SPATA13: variants seen among roughly 807,000 people sequenced by gnomAD.
SPATA13 encodes the protein spermatogenesis associated 13.
SPATA13 carries 50 observed loss-of-function variants against 104.0 expected under a neutral mutation model. The ratio of observed to expected loss-of-function variants is 0.48; its 90% CI spans 0.38 to 0.61. SPATA13 has a LOEUF of 0.61. SPATA13 is among the 20% of genes least tolerant of loss of function. The pLI is 0.00. For synonymous variants in SPATA13, 606 were observed against 667.5 expected, an observed-to-expected ratio of 0.91 and a Z score of 1.42; for missense variants, 1,524 against 1,690.6, an observed-to-expected ratio of 0.90 and a Z score of 1.73.
At chr13:24,277,072 A>G (rs1875042825) in intron 4 of SPATA13, among the ~76,000 whole-genome samples, 1 of 152,226 alleles carries the variant, frequency 6.6e-6, no homozygotes, top group Non-Finnish European at 1.5e-5. Context: ...GAGAAGATAT[A>G]CCGTAAAAGA....
chr13:24,101,499 A>G (rs55800191), intron 3 of SPATA13, among the ~76,000 whole-genome samples: 1 of 151,502 alleles, frequency 6.6e-6, no homozygotes, highest in Non-Finnish European at 1.5e-5. Flanking sequence ...AAAAAAAACA[A>G]CACATAAAAC....
chr13:24,016,777 G>C (rs909808642), intron 2 of SPATA13, among the ~76,000 whole-genome samples: 1 of 152,258 alleles, frequency 6.6e-6, no homozygotes. Context: ...CCCCAGTTCA[G>C]CACTAGGGTG....
chr13:24,198,318 G>A (rs1042697337), intron 1 of SPATA13, among the ~76,000 whole-genome samples: 1 of 152,072 alleles, frequency 6.6e-6, no homozygotes, highest in Non-Finnish European at 1.5e-5. Context: ...CAGACTCACT[G>A]GACTAAATGT....
chr13:24,077,299 C>T (rs985556695), intron 3 of SPATA13, among the ~76,000 whole-genome samples: 1 of 143,062 alleles, frequency 7.0e-6, no homozygotes, highest in South Asian at 2.2e-4. Flanking sequence ...GCCCAGTCCA[C>T]AAGAGCTGGT....
intron 2 of SPATA13, among the ~76,000 whole-genome samples, chr13:23,996,993 A>G (rs1681153768): frequency 6.6e-6 from 1 of 152,158 alleles, no homozygotes; most frequent in African/African-American, 2.4e-5. Flanking sequence ...GAGAGAGCCC[A>G]TTGCTCTTCC....
intron 1 of SPATA13, among the ~76,000 whole-genome samples, chr13:24,176,423 T>TGGAAAATA (rs1868439699): frequency 6.6e-6 from 1 of 152,180 alleles, no homozygotes; most frequent in Admixed American, 6.6e-5. Flanking sequence ...ACAGAAAAGT[T>TGGAAAATA]GGAAAATACA....
intron 12 of SPATA13, among the ~76,000 whole-genome samples, chr13:24,301,633 CT>C (rs1292206294): frequency 6.6e-6 from 1 of 152,204 alleles, no homozygotes; most frequent in East Asian, 1.9e-4. Context: ...TGATTTCTTC[CT>C]TCCTGCCACC....
chr13:24,227,060 A>G (rs945667192), intron 2 of SPATA13, among the ~76,000 whole-genome samples: 4 of 152,144 alleles, frequency 2.6e-5, no homozygotes, highest in South Asian at 2.1e-4. Context: ...CAGACTTAGG[A>G]AGGAGTTCCA....
chr13:23,992,531 G>T (rs567272831), intron 2 of SPATA13, among the ~76,000 whole-genome samples: 2 of 152,154 alleles, frequency 1.3e-5, no homozygotes, highest in African/African-American at 4.8e-5. Context: ...TGAAGGCTTT[G>T]TATCTTTGAT....
chr13:24,148,394 C>T (rs1234755267), intron 3 of SPATA13, among the ~76,000 whole-genome samples: 1 of 152,000 alleles, frequency 6.6e-6, no homozygotes, highest in East Asian at 1.9e-4. Context: ...TGCATACATC[C>T]CATCAGAGCA....
At chr13:24,278,326 G>A (rs995529295) in intron 4 of SPATA13, among the ~76,000 whole-genome samples, 1 of 152,142 alleles carries the variant, frequency 6.6e-6, no homozygotes, top group African/African-American at 2.4e-5. Flanking sequence ...ACAACTGACA[G>A]TACCTCCCAT....
intron 1 of SPATA13, among the ~76,000 whole-genome samples, chr13:24,166,178 T>C (rs1420618535): frequency 6.6e-6 from 1 of 152,254 alleles, no homozygotes; most frequent in Non-Finnish European, 1.5e-5. Flanking sequence ...ACTTACTGTG[T>C]ATCTTTTGTG....
At chr13:24,074,658 G>A (rs1358820239) in intron 3 of SPATA13, among the ~76,000 whole-genome samples, 2 of 151,868 alleles carry the variant, frequency 1.3e-5, no homozygotes, top group Non-Finnish European at 2.9e-5. Flanking sequence ...ACCCTTGTAG[G>A]AATTAGGGAA....
intron 3 of SPATA13, chr13:24,251,472 GT>G: frequency 1.0e-6 from 1 of 985,418 alleles, no homozygotes; most frequent in Non-Finnish European, 1.2e-6. Context: ...CTATTGGCAT[GT>G]TGCAGACAAG....
At chr13:24,285,122 T>C (rs950796715) in intron 5 of SPATA13, among the ~76,000 whole-genome samples, 14 of 152,282 alleles carry the variant, frequency 9.2e-5, no homozygotes, top group African/African-American at 3.4e-4. Flanking sequence ...TGGCCAGTGA[T>C]GTGTATCGTT....
At chr13:24,130,955 CAG>C (rs1881374036) in intron 3 of SPATA13, among the ~76,000 whole-genome samples, 1 of 152,210 alleles carries the variant, frequency 6.6e-6, no homozygotes, top group African/African-American at 2.4e-5. Context: ...AGTTCTTACA[CAG>C]GGGTGGAGCG....
chr13:24,008,463 A>C (rs1876327545), intron 2 of SPATA13, among the ~76,000 whole-genome samples: 2 of 152,204 alleles, frequency 1.3e-5, no homozygotes, highest in Non-Finnish European at 2.9e-5. Context: ...CCACCATGAA[A>C]GAGGGCGGTG....
intron 3 of SPATA13, among the ~76,000 whole-genome samples, chr13:24,076,170 C>T (rs1285630758): frequency 6.6e-6 from 1 of 152,116 alleles, no homozygotes; most frequent in Non-Finnish European, 1.5e-5. Flanking sequence ...CTTAGAAATT[C>T]TTGAGGAAAA....
rs181966432 is a variant in SPATA13, at chr13:24,218,642, T to A, written c.-111-4177T>A. Among the ~76,000 whole-genome samples, 10 of 152,218 alleles carry A rather than the reference T, an allele frequency of 6.6e-5. No homozygotes were observed. The East Asian group carries it at 1.9e-3, about 29-fold the overall frequency. Reference sequence around the variant, plus strand: ...TAACCAGTGGGCCGCAGGCTGCATGTGGCCCAGGGAAGCTTTGAATGTGGC... The same window carrying A: ...TAACCAGTGGGCCGCAGGCTGCATGAGGCCCAGGGAAGCTTTGAATGTGGC... On this transcript the variant is annotated intron_variant, in intron 1 of 12. Coordinates refer to ENST00000382108, the MANE Select transcript of SPATA13 (RefSeq NM_001166271.3).
Sources: gnomAD v4.1 joint callset for allele counts (sites outside exome capture counted in the v4.1 genomes callset) on GRCh38, gnomAD v4.1.1 for gene constraint, MANE v1.5 for transcripts, NCBI Gene and HGNC (gene_info 2026-07-23, HGNC 2026-07-21) for gene names.